The following SORCS2 variants were observed in gnomAD, a reference collection of about 807,000 sequenced individuals.
The protein encoded by SORCS2 is VPS10 domain-containing receptor SorCS2.
In SORCS2, 100 loss-of-function variants were observed where a neutral mutation model predicts 141.6. The observed-to-expected ratio is 0.71, with a 90% CI of 0.60 to 0.83. The LOEUF (loss-of-function observed/expected upper bound fraction) is 0.83, where lower values mean the gene tolerates loss of function less well. Among genes scored for constraint, SORCS2 ranks in the 40% least tolerant of loss-of-function variants. The pLI, the probability that SORCS2 is intolerant of heterozygous loss-of-function variation, is 0.00. For missense variants in SORCS2, 1,646 were observed against 1,560.2 expected (o/e 1.05, Z -0.93); for synonymous variants, 789 against 676.9 (o/e 1.17, Z -2.57).
intron 9 of SORCS2, among the ~76,000 whole-genome samples, chr4:7,680,652 C>T (rs1723470283): frequency 6.6e-6 from 1 of 152,248 alleles, no homozygotes; most frequent in African/African-American, 2.4e-5. Flanking sequence ...ATGCTCTGTG[C>T]ATGGATTTGC....
chr4:7,328,533 A>C (rs1404062111), intron 1 of SORCS2, among the ~76,000 whole-genome samples: 1 of 152,150 alleles, frequency 6.6e-6, no homozygotes, highest in Non-Finnish European at 1.5e-5. Context: ...AGGGCTGCCC[A>C]GGTACAAGCC....
At chr4:7,680,536 C>A (rs1485638271) in intron 9 of SORCS2, among the ~76,000 whole-genome samples, 19 of 152,264 alleles carry the variant, frequency 1.2e-4, no homozygotes, top group Admixed American at 1.2e-3. Context: ...CTCCTCCCGG[C>A]CCCTGGGACT....
chr4:7,379,371 C>T (rs1333942890), intron 1 of SORCS2, among the ~76,000 whole-genome samples: 1 of 152,140 alleles, frequency 6.6e-6, no homozygotes, highest in Non-Finnish European at 1.5e-5. Context: ...TTGCACCAGG[C>T]AGAGCTGGGG....
chr4:7,524,286 G>T (rs1733523516), intron 2 of SORCS2, among the ~76,000 whole-genome samples: 1 of 152,134 alleles, frequency 6.6e-6, no homozygotes, highest in South Asian at 2.1e-4. Flanking sequence ...TCTCAGGGAC[G>T]CCTGGAGCCC....
intron 19 of SORCS2, 77 bp from the exon 20 acceptor site, chr4:7,725,077 A>G: frequency 5.4e-6 from 8 of 1,493,138 alleles, no homozygotes; most frequent in Non-Finnish European, 7.2e-6. Context: ...GTTGCTGGTG[A>G]CAGTGATCAC....
intron 1 of SORCS2, among the ~76,000 whole-genome samples, chr4:7,209,150 A>G (rs1425676443): frequency 6.6e-6 from 1 of 152,206 alleles, no homozygotes; most frequent in Non-Finnish European, 1.5e-5. Flanking sequence ...AGATGGGAGC[A>G]CATCACATGT....
intron 2 of SORCS2, among the ~76,000 whole-genome samples, chr4:7,401,992 T>G (rs1327999074): frequency 3.3e-5 from 5 of 152,226 alleles, no homozygotes; most frequent in Non-Finnish European, 7.3e-5. Context: ...AAATGAATGT[T>G]CACTAAATAA....
rs150949193 is a variant in SORCS2 at position 7,667,700 on chromosome 4, G to A, written c.1161+487G>A. ...ATTCCAGCCACCTAGTATGCTGCCTGGCATATAGTAGGTGCTCAGTTATTG... is the reference window on the plus strand; with the variant it reads ...ATTCCAGCCACCTAGTATGCTGCCTAGCATATAGTAGGTGCTCAGTTATTG... On this transcript the variant is annotated intron_variant, in intron 8 of 26. Coordinates refer to ENST00000507866, the MANE Select transcript of SORCS2 (RefSeq NM_020777.3). 2.3e-3 allele frequency among the ~76,000 whole-genome samples: 345 copies of A among 152,308 alleles called. 3 individuals carry two copies. Among genetic ancestry groups the A allele is most frequent in the African/African-American group, 7.3e-3 (303 of 41,552 alleles).
rs547824411 is a variant in SORCS2 at position 7,653,869 on chromosome 4, C to A, written c.814-265C>A. 4.6e-5 allele frequency among the ~76,000 whole-genome samples: 7 copies of A among 152,352 alleles called. No homozygotes were observed. The East Asian group carries it at 1.4e-3, about 29-fold the overall frequency. On this transcript the variant is annotated intron_variant, in intron 4 of 26. Transcript: ENST00000507866. ...CTCCCACCTTTGAGGCTCAGACACACCTCCTCTGTGAGACCCCTCTGGATT... is the reference window on the plus strand; with the variant it reads ...CTCCCACCTTTGAGGCTCAGACACAACTCCTCTGTGAGACCCCTCTGGATT...
intron 3 of SORCS2, among the ~76,000 whole-genome samples, chr4:7,572,612 C>A (rs1056867209): frequency 5.9e-5 from 9 of 152,316 alleles, no homozygotes; most frequent in South Asian, 2.1e-4. Flanking sequence ...GCATTCTGCA[C>A]AAAGATGTGT....
intron 2 of SORCS2, among the ~76,000 whole-genome samples, chr4:7,409,769 C>T (rs28672937): frequency 0.25 from 38,098 of 152,116 alleles, 5,247 homozygotes; most frequent in East Asian, 0.5. Flanking sequence ...TTCTCTGTGG[C>T]TCTGGGAACA....
At chr4:7,435,981 G>A (rs533465370) in intron 2 of SORCS2, among the ~76,000 whole-genome samples, 1 of 152,240 alleles carries the variant, frequency 6.6e-6, no homozygotes, top group African/African-American at 2.4e-5. Context: ...TATGTGGGTC[G>A]GGCAGCCTGG....
chr4:7,318,166 C>G (rs986393722), intron 1 of SORCS2, among the ~76,000 whole-genome samples: 2 of 152,192 alleles, frequency 1.3e-5, no homozygotes, highest in African/African-American at 2.4e-5. Context: ...GTTTGGTCCT[C>G]TTGTGATCCT....
chr4:7,426,558 A>G (rs1201278873), intron 2 of SORCS2, among the ~76,000 whole-genome samples: 2 of 152,178 alleles, frequency 1.3e-5, no homozygotes, highest in South Asian at 2.1e-4. Context: ...ACCCTCCAGC[A>G]TTCTCCCTCT....
At chr4:7,321,044 A>G (rs1718865782) in intron 1 of SORCS2, among the ~76,000 whole-genome samples, 1 of 152,066 alleles carries the variant, frequency 6.6e-6, no homozygotes, top group Non-Finnish European at 1.5e-5. Flanking sequence ...CCCTCACCTG[A>G]GCAGTGGACA....
At chr4:7,385,250 G>A (rs1723220823) in intron 1 of SORCS2, among the ~76,000 whole-genome samples, 1 of 152,206 alleles carries the variant, frequency 6.6e-6, no homozygotes, top group Admixed American at 6.5e-5. Flanking sequence ...CCCCTCAGGG[G>A]TCTTTAGTAG....
intron 1 of SORCS2, among the ~76,000 whole-genome samples, chr4:7,312,592 T>C (rs1197986562): frequency 2.0e-5 from 3 of 152,206 alleles, no homozygotes; most frequent in South Asian, 4.1e-4. Context: ...CTGCCCTCCC[T>C]CCTATGTCAA....
intron 1 of SORCS2, among the ~76,000 whole-genome samples, chr4:7,203,967 C>T (rs779273632): frequency 5.9e-5 from 9 of 152,134 alleles, no homozygotes; most frequent in Non-Finnish European, 1.2e-4. Flanking sequence ...GAAGGTTTGC[C>T]CAGGCTGTAG....
chr4:7,511,379 C>CAAA (rs56067285), intron 2 of SORCS2, among the ~76,000 whole-genome samples: 17 of 130,650 alleles, frequency 1.3e-4, no homozygotes, highest in East Asian at 9.3e-4. Flanking sequence ...GAGGTACACA[C>CAAA]AAAAAGCCAG....
Sources: gnomAD v4.1 joint callset for allele counts (sites outside exome capture counted in the v4.1 genomes callset) on GRCh38, gnomAD v4.1.1 for gene constraint, MANE v1.5 for transcripts, NCBI Gene and HGNC (gene_info 2026-07-23, HGNC 2026-07-21) for gene names.